Variants in KCNIP4 observed in about 807,000 individuals in gnomAD.
KCNIP4 encodes the protein Kv channel-interacting protein 4.
A neutral mutation model predicts 34.0 loss-of-function variants in KCNIP4; 12 were observed. The ratio of observed to expected loss-of-function variants is 0.35; its 90% CI spans 0.23 to 0.57. The LOEUF is 0.57. Among genes scored for constraint, KCNIP4 ranks in the 20% least tolerant of loss-of-function variants. The probability of loss-of-function intolerance (pLI) is 0.83; values close to 1 mark genes in which losing one functional copy is unlikely to be tolerated. For missense variants in KCNIP4, 238 were observed against 311.7 expected (o/e 0.76, Z 1.78); for synonymous variants, 124 against 102.2 (o/e 1.21, Z -1.29).
rs376254733 is a variant in KCNIP4, at chr4:21,002,644, G to A, written c.62-119935C>T. Reference sequence around the variant, plus strand: ...GAGAGTGTTAAAAATGCAAATTCTCGGGCCCACCCCAGACCTACTCAATCA... The same window carrying A: ...GAGAGTGTTAAAAATGCAAATTCTCAGGCCCACCCCAGACCTACTCAATCA... On this transcript the variant is annotated intron_variant, in intron 1 of 8. Coordinates refer to ENST00000382152, the MANE Select transcript of KCNIP4 (RefSeq NM_025221.6). Among the ~76,000 whole-genome samples the A allele has an allele frequency of 2.6e-5, 4 of 152,200 alleles. No homozygotes were observed. The South Asian group carries it at 6.2e-4, about 24-fold the overall frequency.
intron 3 of KCNIP4, among the ~76,000 whole-genome samples, chr4:20,778,820 G>A (rs528657308): frequency 6.6e-6 from 1 of 152,172 alleles, no homozygotes; most frequent in South Asian, 2.1e-4. Context: ...GGAATTTTAT[G>A]TAAGAGTATA....
intron 1 of KCNIP4, among the ~76,000 whole-genome samples, chr4:21,947,347 C>T (rs1388658468): frequency 1.3e-5 from 2 of 152,162 alleles, no homozygotes; most frequent in Non-Finnish European, 1.5e-5. Flanking sequence ...GAAAACAGAA[C>T]TAAACACAGT....
chr4:21,913,537 T>C (rs2108985951), intron 1 of KCNIP4, among the ~76,000 whole-genome samples: 1 of 152,238 alleles, frequency 6.6e-6, no homozygotes, highest in East Asian at 1.9e-4. Context: ...AATAAATTTC[T>C]GTTCTTTACA....
intron 1 of KCNIP4, among the ~76,000 whole-genome samples, chr4:21,781,985 A>C (rs942095821): frequency 1.3e-5 from 2 of 152,114 alleles, no homozygotes; most frequent in South Asian, 4.1e-4. Flanking sequence ...ATCAAAATGA[A>C]ATTCAAAAAT....
intron 1 of KCNIP4, among the ~76,000 whole-genome samples, chr4:21,090,109 T>C (rs1237273342): frequency 6.6e-6 from 1 of 152,140 alleles, no homozygotes; most frequent in Non-Finnish European, 1.5e-5. Flanking sequence ...GTAGCCCCTC[T>C]CCCCTGCCCA....
In KCNIP4 at chr4:21,884,510, C is replaced by T. The variant is rs148237784; in HGVS notation, c.61+64061G>A. 3.0e-3 allele frequency among the ~76,000 whole-genome samples: 462 copies of T among 152,082 alleles called. 2 individuals carry two copies. The highest frequency in any genetic ancestry group is 0.01 in the African/African-American group (430 of 41,512). On this transcript the variant is annotated intron_variant, in intron 1 of 8. Coordinates refer to ENST00000382152, the MANE Select transcript of KCNIP4 (RefSeq NM_025221.6). The stretch of plus-strand genomic sequence containing the variant: ...CTCATTATCTTTACAAAATTCCAAA[C>T]GGGATAAATGGGACTTATTTCTTAT...
intron 1 of KCNIP4, among the ~76,000 whole-genome samples, chr4:21,544,973 T>C (rs1738015780): frequency 6.6e-6 from 1 of 152,074 alleles, no homozygotes; most frequent in African/African-American, 2.4e-5. Context: ...CTGGGTAAAA[T>C]AAGGCTGAGA....
rs149311118 is a variant in KCNIP4 at position 21,607,227 on chromosome 4, G to A, written c.61+341344C>T. The stretch of plus-strand genomic sequence containing the variant: ...TGGACTAATGACACAGTCTCTCCAC[G>A]CCTCAGTTTCCTCAACTGTAAACCA... On this transcript the variant is annotated intron_variant, in intron 1 of 8. Transcript: ENST00000382152. Among the ~76,000 whole-genome samples, 469 of 152,060 alleles carry A rather than the reference G, an allele frequency of 3.1e-3. 2 individuals carry two copies. The highest frequency in any genetic ancestry group is 0.011 in the African/African-American group (439 of 41,506).
intron 1 of KCNIP4, among the ~76,000 whole-genome samples, chr4:21,379,807 TG>T (rs1196283199): frequency 1.3e-5 from 2 of 152,192 alleles, no homozygotes; most frequent in Non-Finnish European, 2.9e-5. Context: ...ATAGAAATTT[TG>T]TAAGTGCTTT....
At chr4:21,588,221 G>A (rs1741803689) in intron 1 of KCNIP4, among the ~76,000 whole-genome samples, 1 of 151,966 alleles carries the variant, frequency 6.6e-6, no homozygotes, top group African/African-American at 2.4e-5. Flanking sequence ...TATGTAGATA[G>A]TGGTCAGATT....
intron 1 of KCNIP4, among the ~76,000 whole-genome samples, chr4:21,618,790 G>A (rs556229464): frequency 3.3e-5 from 5 of 151,176 alleles, no homozygotes; most frequent in Non-Finnish European, 5.9e-5. Flanking sequence ...CCGCCACCAC[G>A]CCCTGCTAAT....
chr4:21,374,650 C>A (rs977856517), intron 1 of KCNIP4, among the ~76,000 whole-genome samples: 3 of 147,582 alleles, frequency 2.0e-5, no homozygotes, highest in African/African-American at 8.1e-5. Flanking sequence ...AATATGATGG[C>A]AGTTTATTTT....
chr4:21,126,902 C>T (rs1052543273), intron 1 of KCNIP4, among the ~76,000 whole-genome samples: 10 of 152,136 alleles, frequency 6.6e-5, no homozygotes, highest in Admixed American at 6.5e-4. Flanking sequence ...GCAAACCTTC[C>T]AGGTAGAAAG....
chr4:21,226,242 G>A (rs1291364134), intron 1 of KCNIP4, among the ~76,000 whole-genome samples: 10 of 97,086 alleles, frequency 1.0e-4, no homozygotes, highest in African/African-American at 3.6e-4. Context: ...GGGGAGGGAG[G>A]GGGGGAGGGA....
chr4:21,737,023 T>C (rs955890216), intron 1 of KCNIP4, among the ~76,000 whole-genome samples: 32 of 109,902 alleles, frequency 2.9e-4, no homozygotes, highest in African/African-American at 8.7e-4. Context: ...ATAATAATAA[T>C]AAAAAAAAGA....
chr4:20,857,424 G>GCCC (rs2149490921), intron 2 of KCNIP4, among the ~76,000 whole-genome samples: 1 of 152,282 alleles, frequency 6.6e-6, no homozygotes, highest in South Asian at 2.1e-4. Flanking sequence ...CAAGGTGCTT[G>GCCC]ATTGGCATAA....
intron 1 of KCNIP4, among the ~76,000 whole-genome samples, chr4:21,932,558 T>G (rs1729631783): frequency 6.6e-6 from 1 of 152,080 alleles, no homozygotes; most frequent in South Asian, 2.1e-4. Context: ...TATCAGACTT[T>G]TCTCTTTATA....
At chr4:21,657,710 G>A (rs1012172681) in intron 1 of KCNIP4, among the ~76,000 whole-genome samples, 1 of 152,144 alleles carries the variant, frequency 6.6e-6, no homozygotes, top group African/African-American at 2.4e-5. Context: ...ATGTGTAAGG[G>A]TTCATGTACA....
chr4:21,759,189 T>C (rs1245560070), intron 1 of KCNIP4, among the ~76,000 whole-genome samples: 10 of 152,192 alleles, frequency 6.6e-5, no homozygotes. Context: ...ATGTGAACCA[T>C]TTTTTATCTT....
Sources: gnomAD v4.1 joint callset for allele counts (sites outside exome capture counted in the v4.1 genomes callset) on GRCh38, gnomAD v4.1.1 for gene constraint, MANE v1.5 for transcripts, NCBI Gene and HGNC (gene_info 2026-07-23, HGNC 2026-07-21) for gene names.